COLQ: variants seen among roughly 807,000 people sequenced by gnomAD.
The protein encoded by COLQ is acetylcholinesterase collagenic tail peptide.
In COLQ, 48 loss-of-function variants were observed where a neutral mutation model predicts 69.0. The ratio of observed to expected loss-of-function variants is 0.70; its 90% CI spans 0.55 to 0.88. The LOEUF (loss-of-function observed/expected upper bound fraction) is 0.88, where lower values mean the gene tolerates loss of function less well. Ranked by LOEUF, COLQ falls within the 40% of genes least tolerant of loss-of-function variation. COLQ has a pLI of 0.00. For missense variants in COLQ, 618 were observed against 594.6 expected (o/e 1.04, Z -0.41); for synonymous variants, 217 against 211.2 (o/e 1.03, Z -0.24).
rs886812328 is a variant in COLQ at position 15,473,214 on chromosome 3, G to A, written c.636+786C>T. On this transcript the variant is annotated intron_variant, in intron 10 of 16. Coordinates refer to ENST00000383788, the MANE Select transcript of COLQ (RefSeq NM_005677.4). The surrounding 1 kb of genome is among the most constrained non-coding windows in gnomAD (Gnocchi z 4.0). The stretch of plus-strand genomic sequence containing the variant: ...GTGGCCCAGGCTGGAGTGCAGTGGT[G>A]CAATCATGGCTTACCGCAGCTTTGA... Among the ~76,000 whole-genome samples the A allele has an allele frequency of 1.3e-5, 2 of 152,092 alleles. No individual in the cohort carries two copies. The highest frequency in any genetic ancestry group is 2.9e-5 in the Non-Finnish European group (2 of 68,018).
chr3:15,479,491 C>A (rs1191168321), intron 3 of COLQ, 109 bp from the exon 4 acceptor site: 1 of 1,078,298 alleles, frequency 9.3e-7, no homozygotes, highest in African/African-American at 1.6e-5. Context: ...ATTCTCTGGG[C>A]AGATGTAGGG....
Position 15,451,651 on chromosome 3 carries a change from A to T in COLQ, c.1361T>A (p.Phe454Tyr). Reference protein sequence around the residue: ...CYIDSTPCRYFT With the variant: ...CYIDSTPCRYYT ...ACCTTCTCCTCACGGCCCTCAGGTG[A>T]AGTAGCGGCAGGGCGTGGAGTCGAT... The change falls in exon 17 of 17, where the codon TTC becomes TAC. Residue 454 changes from phenylalanine to tyrosine, a missense_variant. Physicochemically the swap from Phe to Tyr is conservative, Grantham distance 22. Coordinates refer to ENST00000383788, the MANE Select transcript of COLQ (RefSeq NM_005677.4). 6.2e-7 allele frequency: 1 copy of T among 1,614,162 alleles called. No individual in the cohort carries two copies. The highest frequency in any genetic ancestry group is 8.5e-7 in the Non-Finnish European group (1 of 1,180,002).
chr3:15,487,571 T>C (rs2062594953), intron 3 of COLQ, among the ~76,000 whole-genome samples: 1 of 152,226 alleles, frequency 6.6e-6, no homozygotes, highest in Admixed American at 6.5e-5. Context: ...TACACCCTCT[T>C]TCTCCTCCCC....
chr3:15,507,852 T>C (rs191302469), intron 1 of COLQ, among the ~76,000 whole-genome samples: 1 of 152,320 alleles, frequency 6.6e-6, no homozygotes, highest in East Asian at 1.9e-4. Context: ...ATTTTTTTCA[T>C]TGGGTTGTCA....
At chr3:15,497,680 C>A (rs1223836638) in intron 1 of COLQ, among the ~76,000 whole-genome samples, 1 of 152,156 alleles carries the variant, frequency 6.6e-6, no homozygotes, top group Non-Finnish European at 1.5e-5. Context: ...CCTTTCCCTG[C>A]CTGTGGGAAC....
At chr3:15,454,256 C>T (rs2061993597) in intron 15 of COLQ, among the ~76,000 whole-genome samples, 1 of 151,966 alleles carries the variant, frequency 6.6e-6, no homozygotes, top group Non-Finnish European at 1.5e-5. Flanking sequence ...GTGGGGGTCC[C>T]GGGAGTGAGG....
chr3:15,475,545 A>G, intron 6 of COLQ, 58 bp from the exon 7 acceptor site: 1 of 1,479,612 alleles, frequency 6.8e-7, no homozygotes, highest in Non-Finnish European at 9.3e-7. Flanking sequence ...AAACTGAACC[A>G]GGAAGTCACA....
chr3:15,517,490 C>A (rs535603356), intron 1 of COLQ, among the ~76,000 whole-genome samples: 1 of 152,216 alleles, frequency 6.6e-6, no homozygotes, highest in Non-Finnish European at 1.5e-5. Flanking sequence ...TGTGCCTCCA[C>A]ATTCTGGAAA....
intron 3 of COLQ, among the ~76,000 whole-genome samples, chr3:15,486,536 G>A (rs572965042): frequency 6.6e-6 from 1 of 152,308 alleles, no homozygotes; most frequent in Admixed American, 6.5e-5. Flanking sequence ...ACTGTCCTGA[G>A]GTCAGCAGAA....
chr3:15,470,845 G>C (rs1327377021), intron 10 of COLQ, among the ~76,000 whole-genome samples: 1 of 152,196 alleles, frequency 6.6e-6, no homozygotes, highest in Non-Finnish European at 1.5e-5. Flanking sequence ...TGGGTTATCT[G>C]TTACCTGAGA....
At chr3:15,471,463 T>G (rs964556382) in intron 10 of COLQ, among the ~76,000 whole-genome samples, 4 of 152,228 alleles carry the variant, frequency 2.6e-5, no homozygotes, top group Admixed American at 2.0e-4. Context: ...ACTATTTCTT[T>G]GGGTCAGCCC....
chr3:15,505,452 A>T (rs1213820429), intron 1 of COLQ, among the ~76,000 whole-genome samples: 1 of 152,224 alleles, frequency 6.6e-6, no homozygotes, highest in African/African-American at 2.4e-5. Flanking sequence ...CCTTTCCCTG[A>T]CAAGAGAATT....
At position 15,473,954 on chromosome 3, in the gene COLQ, T is replaced by C; in HGVS notation, c.636+46A>G. On this transcript the variant is annotated intron_variant, in intron 10 of 16. Transcript: ENST00000383788. The surrounding 1 kb of genome is among the most constrained non-coding windows in gnomAD (Gnocchi z 4.0). ...TTCTTTTTGTTGTGCTTGGAGGACCTGATATTTTTATTGAGGCCTATTTTC... is the reference window on the plus strand; with the variant it reads ...TTCTTTTTGTTGTGCTTGGAGGACCCGATATTTTTATTGAGGCCTATTTTC... 1.9e-6 allele frequency: 3 copies of C among 1,601,246 alleles called. No individual in the cohort carries two copies. The South Asian group carries it at 3.3e-5, about 18-fold the overall frequency.
chr3:15,451,540 A>G lies in COLQ; in HGVS notation c.*104T>C. The G allele has an allele frequency of 9.3e-7, 1 of 1,071,912 alleles. No individual in the cohort carries two copies. Among genetic ancestry groups the G allele is most frequent in the Non-Finnish European group, 1.5e-6 (1 of 685,380 alleles). The allele number at this position is 1,071,912 out of a possible 1,614,324, so 66.4% of individuals were successfully genotyped here. On this transcript the variant is annotated 3_prime_UTR_variant, in exon 17 of 17. Transcript: ENST00000383788. ...GCAGGAATTTGTCCTTGTTTTTGTC[A>G]CACAAAGGTTGGTGGAGACGGGGCC...
chr3:15,454,037 C>G, intron 15 of COLQ, 106 bp from the exon 16 acceptor site: 1 of 773,560 alleles, frequency 1.3e-6, no homozygotes, highest in Non-Finnish European at 2.2e-6. Context: ...AAGTGCTGCA[C>G]CCCTTAAAGA....
chr3:15,494,513 G>A (rs1011161444), intron 1 of COLQ, among the ~76,000 whole-genome samples: 8 of 152,266 alleles, frequency 5.3e-5, no homozygotes, highest in African/African-American at 1.4e-4. Context: ...TCTTTGCCAG[G>A]CACTGGGCCA....
At chr3:15,502,055 A>G (rs977457001) in intron 1 of COLQ, among the ~76,000 whole-genome samples, 1 of 151,826 alleles carries the variant, frequency 6.6e-6, no homozygotes, top group South Asian at 2.1e-4. Flanking sequence ...AGTCTTGTAG[A>G]AGACTAATCT....
chr3:15,454,413 A>T (rs977608483), intron 15 of COLQ, among the ~76,000 whole-genome samples: 4 of 152,034 alleles, frequency 2.6e-5, no homozygotes, highest in Admixed American at 1.3e-4. Context: ...ACACGATGGG[A>T]GGGTGTTGGA....
At chr3:15,489,855 A>T (rs2062635655) in intron 1 of COLQ, among the ~76,000 whole-genome samples, 2 of 152,222 alleles carry the variant, frequency 1.3e-5, no homozygotes, top group Admixed American at 6.5e-5. Flanking sequence ...GAAGCAGATG[A>T]CTTGTCTGGA....
Sources: allele counts gnomAD v4.1 joint callset (sites outside exome capture counted in the v4.1 genomes callset), GRCh38; gene constraint gnomAD v4.1.1; non-coding constraint Gnocchi (gnomAD v3.1); transcripts MANE v1.5; gene names NCBI Gene and HGNC (gene_info 2026-07-23, HGNC 2026-07-21).